MYO5B: variants seen among roughly 807,000 people sequenced by gnomAD.
The protein encoded by MYO5B is myosin VB.
Under a neutral mutation model 229.3 loss-of-function variants are expected in MYO5B, and 143 were observed. That is an observed-to-expected ratio of 0.62 (90% CI 0.54 to 0.72). The LOEUF is 0.72. Ranked by LOEUF, MYO5B falls within the 30% of genes least tolerant of loss-of-function variation. The pLI is 0.00. For synonymous variants in MYO5B, 918 were observed against 885.2 expected, an observed-to-expected ratio of 1.04 and a Z score of -0.66; for missense variants, 2,321 against 2,331.0, an observed-to-expected ratio of 1.00 and a Z score of 0.09.
chr18:50,048,119 A>C (rs1042362956), intron 2 of MYO5B, among the ~76,000 whole-genome samples: 21 of 151,536 alleles, frequency 1.4e-4, no homozygotes, highest in Non-Finnish European at 3.1e-4. Flanking sequence ...GTACAAAAAA[A>C]AAAACACAAA....
At chr18:49,975,364 G>C (rs1012847225) in intron 9 of MYO5B, among the ~76,000 whole-genome samples, 2 of 152,198 alleles carry the variant, frequency 1.3e-5, no homozygotes, top group Non-Finnish European at 2.9e-5. Context: ...TCACCTTGAA[G>C]AGTTTCTGAA....
At chr18:49,855,632 C>T (rs1483678488) in intron 30 of MYO5B, among the ~76,000 whole-genome samples, 1 of 152,168 alleles carries the variant, frequency 6.6e-6, no homozygotes, top group Non-Finnish European at 1.5e-5. Context: ...AAGTACTTCA[C>T]CTGTATTAAC....
intron 2 of MYO5B, among the ~76,000 whole-genome samples, chr18:50,055,064 T>C (rs1183192023): frequency 6.6e-6 from 1 of 152,186 alleles, no homozygotes; most frequent in Non-Finnish European, 1.5e-5. Context: ...TAAACACTTA[T>C]TTTTTGTGTG....
intron 1 of MYO5B, among the ~76,000 whole-genome samples, chr18:50,192,486 C>A (rs913544357): frequency 2.8e-4 from 43 of 152,158 alleles, no homozygotes; most frequent in Non-Finnish European, 1.8e-4. Context: ...AGCCATTTTG[C>A]TTGTTGTCTT....
At chr18:50,178,329 C>A (rs781382572) in intron 1 of MYO5B, among the ~76,000 whole-genome samples, 5 of 152,200 alleles carry the variant, frequency 3.3e-5, no homozygotes, top group Admixed American at 6.5e-5. Context: ...GTGTGTATGA[C>A]TGAAAAATAT....
intron 1 of MYO5B, among the ~76,000 whole-genome samples, chr18:50,101,092 T>G (rs1386438279): frequency 6.6e-6 from 1 of 152,212 alleles, no homozygotes; most frequent in Non-Finnish European, 1.5e-5. Context: ...GCATACTGTA[T>G]AGTTGAAGTT....
chr18:49,911,957 G>A (rs755697827), intron 18 of MYO5B, 105 bp downstream of exon 18: 47 of 864,438 alleles, frequency 5.4e-5, no homozygotes, highest in Middle Eastern at 2.2e-4. Flanking sequence ...AATAGATTCA[G>A]TAAGAAGGAT....
intron 18 of MYO5B, among the ~76,000 whole-genome samples, chr18:49,908,924 C>T (rs1386893259): frequency 6.6e-6 from 1 of 152,178 alleles, no homozygotes; most frequent in African/African-American, 2.4e-5. Context: ...CCAGAATCCA[C>T]TTTTCTCCCC....
intron 21 of MYO5B, among the ~76,000 whole-genome samples, chr18:49,896,799 C>G (rs538704720): frequency 8.5e-5 from 13 of 152,258 alleles, no homozygotes; most frequent in African/African-American, 3.1e-4. Flanking sequence ...TCAGGGATGT[C>G]AGGGAGTTGA....
chr18:49,871,667 A>C (rs1221672910), intron 27 of MYO5B: 1 of 217,156 alleles, frequency 4.6e-6, no homozygotes, highest in Non-Finnish European at 9.3e-6. Flanking sequence ...CAGACCAACC[A>C]GCCAGAGTTA....
chr18:49,904,860 G>T, intron 19 of MYO5B, 32 bp from the exon 20 acceptor site: 1 of 1,610,856 alleles, frequency 6.2e-7, no homozygotes, highest in South Asian at 1.1e-5. Context: ...GCAGTGTCAG[G>T]GAGAGAGTAT....
chr18:49,899,303 G>A (rs1351101844), intron 21 of MYO5B, among the ~76,000 whole-genome samples: 1 of 152,156 alleles, frequency 6.6e-6, no homozygotes, highest in Non-Finnish European at 1.5e-5. Context: ...CTAAGAGATT[G>A]CAATGAAACA....
chr18:50,138,524 G>A (rs1344441282), intron 1 of MYO5B, among the ~76,000 whole-genome samples: 1 of 152,130 alleles, frequency 6.6e-6, no homozygotes, highest in African/African-American at 2.4e-5. Context: ...CACCAGAACA[G>A]TGTTAAATTG....
At chr18:49,964,133 T>C (rs1330459487) in intron 10 of MYO5B, among the ~76,000 whole-genome samples, 1 of 152,180 alleles carries the variant, frequency 6.6e-6, no homozygotes, top group Admixed American at 6.5e-5. Context: ...CCTAAAGAAA[T>C]TACCATGTCA....
At chr18:50,186,604 G>A (rs2033152506) in intron 1 of MYO5B, among the ~76,000 whole-genome samples, 1 of 152,094 alleles carries the variant, frequency 6.6e-6, no homozygotes, top group South Asian at 2.1e-4. Flanking sequence ...AGCAGGGAAG[G>A]GTTAGGGGAA....
intron 39 of MYO5B, among the ~76,000 whole-genome samples, chr18:49,827,935 T>G (rs1468999434): frequency 6.6e-6 from 1 of 152,072 alleles, no homozygotes; most frequent in South Asian, 2.1e-4. Flanking sequence ...GAGAAAGAAG[T>G]GACTTGTCAC....
At chr18:50,070,989 A>G (rs2030945487) in intron 1 of MYO5B, among the ~76,000 whole-genome samples, 1 of 152,082 alleles carries the variant, frequency 6.6e-6, no homozygotes, top group Non-Finnish European at 1.5e-5. Flanking sequence ...GTCTTGTATG[A>G]ACTTTTGTAT....
intron 1 of MYO5B, among the ~76,000 whole-genome samples, chr18:50,163,471 A>C (rs2144323234): frequency 6.6e-6 from 1 of 152,306 alleles, no homozygotes; most frequent in East Asian, 1.9e-4. Context: ...GTTAAGGAAG[A>C]AGGGAAACCC....
At chr18:49,858,370 G>C (rs1330691115) in intron 29 of MYO5B, among the ~76,000 whole-genome samples, 1 of 152,236 alleles carries the variant, frequency 6.6e-6, no homozygotes, top group Non-Finnish European at 1.5e-5. Context: ...GGGAGGGCCG[G>C]AAGTAGAGCG....
Sources: gnomAD v4.1 joint callset for allele counts (sites outside exome capture counted in the v4.1 genomes callset) on GRCh38, gnomAD v4.1.1 for gene constraint, MANE v1.5 for transcripts, NCBI Gene and HGNC (gene_info 2026-07-23, HGNC 2026-07-21) for gene names.